DGAT2L6: variants seen among roughly 807,000 people sequenced by gnomAD.
DGAT2L6 encodes the protein diacylglycerol O-acyltransferase 2 like 6.
DGAT2L6 carries 22 observed loss-of-function variants against 25.5 expected under a neutral mutation model. The ratio of observed to expected loss-of-function variants is 0.86; its 90% CI spans 0.62 to 1.23. The LOEUF is 1.23. DGAT2L6 is among the 50% of genes most tolerant of loss of function. DGAT2L6 has a pLI of 0.00. For missense variants in DGAT2L6, 287 were observed against 253.2 expected, an observed-to-expected ratio of 1.13 and a Z score of -0.91; for synonymous variants, 100 against 94.7, an observed-to-expected ratio of 1.06 and a Z score of -0.32.
intron 1 of DGAT2L6, among the ~76,000 whole-genome samples, chrX:70,187,110 A>C (rs1011233688): frequency 2.7e-5 from 3 of 112,053 alleles, no homozygotes; most frequent in Non-Finnish European, 5.6e-5. Flanking sequence ...AAAAAAATCA[A>C]GTCCTGGACC....
intron 1 of DGAT2L6, among the ~76,000 whole-genome samples, chrX:70,184,741 C>T (rs1010229380): frequency 9.0e-6 from 1 of 111,068 alleles, no homozygotes; most frequent in Non-Finnish European, 1.9e-5. Context: ...GCTGGCATTA[C>T]AGGAGTGAGC....
chrX:70,188,258 T>C (rs1231841606), intron 1 of DGAT2L6, among the ~76,000 whole-genome samples: 2 of 111,434 alleles, frequency 1.8e-5, no homozygotes, highest in African/African-American at 6.5e-5. Context: ...AGAGTGACAT[T>C]ATGTAATGAT....
At chrX:70,199,917 G>T in intron 3 of DGAT2L6, 35 bp downstream of exon 3, 10 of 1,164,475 alleles carry the variant, frequency 8.6e-6, no homozygotes, top group Non-Finnish European at 1.1e-5. Context: ...CTCAGTCCCT[G>T]TTGCCCAGAC....
chrX:70,204,642 G>C (rs1035855409), intron 6 of DGAT2L6, 126 bp downstream of exon 6: 2 of 792,348 alleles, frequency 2.5e-6, no homozygotes, highest in Non-Finnish European at 3.6e-6. Context: ...GTTAAGAGCA[G>C]GGTGGGTAGG....
chrX:70,200,618 C>A (rs1260346554), intron 4 of DGAT2L6, among the ~76,000 whole-genome samples, 159 bp downstream of exon 4: 1 of 111,699 alleles, frequency 9.0e-6, no homozygotes, highest in Non-Finnish European at 1.9e-5. Context: ...GCATTAGTTT[C>A]TGTCCAAGAT....
At position 70,205,168 on chromosome X, in the gene DGAT2L6, G is replaced by GA; in HGVS notation, c.*67dup. The GA allele has an allele frequency of 9.5e-7, 1 of 1,057,726 alleles. No homozygotes were observed. The highest frequency in any genetic ancestry group is 1.2e-6 in the Non-Finnish European group (1 of 809,963). 87.2% of individuals were successfully genotyped at this position (1,057,726 alleles called of 1,213,427 possible). A position where few individuals can be genotyped will look rare whatever the true frequency, so the allele number is the denominator to read the frequency against. On this transcript the variant is annotated 3_prime_UTR_variant, in exon 7 of 7. Transcript: ENST00000333026. Reference sequence around the variant, plus strand: ...CATGAGGGATCCAAGTAGAGCCACAGAAAAAGAAGAATTCCAGGAGAGGGA... The same window carrying GA: ...CATGAGGGATCCAAGTAGAGCCACAGAAAAAAGAAGAATTCCAGGAGAGGGA...
At chrX:70,198,207 A>C (rs2085397665) in intron 1 of DGAT2L6, among the ~76,000 whole-genome samples, 1 of 112,284 alleles carries the variant, frequency 8.9e-6, no homozygotes, top group Non-Finnish European at 1.9e-5. Context: ...CAGATTTTTT[A>C]AATGGAATTC....
chrX:70,177,964 T>C (rs2085332048), intron 1 of DGAT2L6, among the ~76,000 whole-genome samples: 1 of 101,121 alleles, frequency 9.9e-6, no homozygotes, highest in Admixed American at 1.0e-4. Flanking sequence ...TCGTCTCTAC[T>C]GAAAAAAAAA....
chrX:70,196,486 C>CAAAAAA (rs751597708), intron 1 of DGAT2L6, among the ~76,000 whole-genome samples: 5 of 26,105 alleles, frequency 1.9e-4, no homozygotes, highest in Non-Finnish European at 3.5e-4. Context: ...GATCCTGTCT[C>CAAAAAA]AAAAAAAAAA....
intron 1 of DGAT2L6, among the ~76,000 whole-genome samples, chrX:70,181,379 A>G (rs750262370): frequency 1.8e-5 from 2 of 111,962 alleles, no homozygotes; most frequent in African/African-American, 6.5e-5. Flanking sequence ...TTACCATTCC[A>G]TTTGTCTTTC....
At chrX:70,178,754 C>G (rs1330255674) in intron 1 of DGAT2L6, among the ~76,000 whole-genome samples, 1 of 112,035 alleles carries the variant, frequency 8.9e-6, no homozygotes, top group Non-Finnish European at 1.9e-5. Context: ...AAAACTGCCT[C>G]TTTCTTTCCA....
intron 1 of DGAT2L6, among the ~76,000 whole-genome samples, chrX:70,198,477 T>A (rs1184896115): frequency 9.0e-6 from 1 of 111,496 alleles, no homozygotes; most frequent in Non-Finnish European, 1.9e-5. Flanking sequence ...TTGCTAAGAT[T>A]ATAGGAGTGA....
chrX:70,200,473 ATAAT>A lies in DGAT2L6; in HGVS notation c.472+20_472+23del. Reference sequence around the variant, plus strand: ...TGATGTCAATGGGTGAGTATAAGAAATAATTAATTCTATTTTTTTACCTACTTCA... The same window carrying A: ...TGATGTCAATGGGTGAGTATAAGAAATAATTCTATTTTTTTACCTACTTCA... On this transcript the variant is annotated intron_variant, in intron 4 of 6. Transcript: ENST00000333026. 1.7e-6 allele frequency: 2 copies of A among 1,197,871 alleles called. No individual in the cohort carries two copies. Among genetic ancestry groups the A allele is most frequent in the South Asian group, 1.8e-5 (1 of 55,822 alleles).
At chrX:70,193,656 C>T (rs1215545528) in intron 1 of DGAT2L6, among the ~76,000 whole-genome samples, 2 of 111,982 alleles carry the variant, frequency 1.8e-5, no homozygotes, top group Non-Finnish European at 3.8e-5. Context: ...ATCATAAGAT[C>T]ATCTCAATAG....
chrX:70,190,395 A>T (rs1415180434), intron 1 of DGAT2L6, among the ~76,000 whole-genome samples: 3 of 109,953 alleles, frequency 2.7e-5, no homozygotes, highest in African/African-American at 9.8e-5. Flanking sequence ...TTTTGGACCC[A>T]GGTAGGATGT....
intron 1 of DGAT2L6, among the ~76,000 whole-genome samples, chrX:70,191,868 A>G (rs2085376580): frequency 8.9e-6 from 1 of 111,993 alleles, no homozygotes; most frequent in South Asian, 3.7e-4. Context: ...GGGATGATAC[A>G]TTCAAAGTGC....
At chrX:70,180,222 G>A (rs1024301567) in intron 1 of DGAT2L6, among the ~76,000 whole-genome samples, 25 of 111,111 alleles carry the variant, frequency 2.2e-4, no homozygotes, top group Non-Finnish European at 2.3e-4. Flanking sequence ...AGGCCGAGGC[G>A]GGTGGATCAC....
At chrX:70,191,017 CA>C (rs1489497529) in intron 1 of DGAT2L6, among the ~76,000 whole-genome samples, 1 of 112,290 alleles carries the variant, frequency 8.9e-6, no homozygotes, top group East Asian at 2.8e-4. Context: ...AGTGACCTAG[CA>C]GAAGCCCCCC....
rs112865288 is a variant in DGAT2L6, at chrX:70,199,890, C to T, written c.267+8C>T. The T allele has an allele frequency of 5.9e-4, 706 of 1,205,027 alleles. 7 individuals are homozygous for T. In the African/African-American group the frequency reaches 0.011, roughly 18 times the overall value. ...AATTACTTCCCAGTAAAGGTGACCA[C>T]TCTTCCTCGGGGTGCCCTCAGTCCC... On this transcript the variant is annotated splice_region_variant and intron_variant, in intron 3 of 6. Transcript: ENST00000333026.
Sources: gnomAD v4.1 joint callset for allele counts (sites outside exome capture counted in the v4.1 genomes callset) on GRCh38, gnomAD v4.1.1 for gene constraint, MANE v1.5 for transcripts, NCBI Gene and HGNC (gene_info 2026-07-23, HGNC 2026-07-21) for gene names.